The following GAGE13 variants were observed in gnomAD, a reference collection of about 807,000 sequenced individuals.
The protein encoded by GAGE13 is G antigen 13.
chrX:49,335,207 A>C (rs1446755247), intron 3 of GAGE13, among the ~76,000 whole-genome samples: 1 of 107,509 alleles, frequency 9.3e-6, no homozygotes, highest in Admixed American at 9.9e-5. Flanking sequence ...GTCTCGATAA[A>C]GTTTCAGGTA....
At chrX:49,335,265 C>G (rs1167886603) in intron 3 of GAGE13, among the ~76,000 whole-genome samples, 3 of 103,716 alleles carry the variant, frequency 2.9e-5, no homozygotes, top group Non-Finnish European at 6.1e-5. Flanking sequence ...ATCGTCAGAA[C>G]AAAGAGAAAG....
chrX:49,335,084 C>A (rs1362812960), intron 3 of GAGE13, among the ~76,000 whole-genome samples: 1 of 100,036 alleles, frequency 1.0e-5, no homozygotes, highest in South Asian at 4.9e-4. Flanking sequence ...ATAGCTTTCG[C>A]TTCATCAGTT....
intron 2 of GAGE13, among the ~76,000 whole-genome samples, 183 bp from the exon 3 acceptor site, chrX:49,333,104 A>T: frequency 1.1e-5 from 1 of 94,336 alleles, no homozygotes; most frequent in Non-Finnish European, 2.4e-5. Context: ...CTCGTGCGTC[A>T]CTTTTCTCAC....
intron 1 of GAGE13, 96 bp downstream of exon 1, chrX:49,331,785 GC>G (rs2066464114): frequency 1.2e-5 from 1 of 80,168 alleles, no homozygotes; most frequent in East Asian, 3.7e-4. Context: ...CTGGTCTGTG[GC>G]CTCCGAGGGA....
chrX:49,335,110 C>G (rs1190993116), intron 3 of GAGE13, among the ~76,000 whole-genome samples: 3 of 73,883 alleles, frequency 4.1e-5, no homozygotes, highest in African/African-American at 1.3e-4. Context: ...TCTCTTCCCT[C>G]CGTCTCTTAC....
chrX:49,335,088 A>G (rs1292986301), intron 3 of GAGE13, among the ~76,000 whole-genome samples: 3 of 100,836 alleles, frequency 3.0e-5, no homozygotes, highest in South Asian at 4.9e-4. Flanking sequence ...CTTTCGCTTC[A>G]TCAGTTTCAC....
At chrX:49,331,974 C>A (rs1202962900) in intron 1 of GAGE13, among the ~76,000 whole-genome samples, 1 of 80,541 alleles carries the variant, frequency 1.2e-5, no homozygotes, top group Non-Finnish European at 3.2e-5. Context: ...GTGCCGGGAA[C>A]CCCCGACGAC....
chrX:49,332,113 T>C (rs1396301899), intron 1 of GAGE13, among the ~76,000 whole-genome samples: 1 of 80,959 alleles, frequency 1.2e-5, no homozygotes, highest in Non-Finnish European at 3.1e-5. Flanking sequence ...AGCGCCCGAG[T>C]GAGAAGCACT....
intron 3 of GAGE13, among the ~76,000 whole-genome samples, chrX:49,335,506 C>T (rs1286209120): frequency 9.5e-6 from 1 of 104,842 alleles, no homozygotes; most frequent in Non-Finnish European, 2.0e-5. Context: ...TCTAGGGATT[C>T]TCATGCCTCA....
chrX:49,335,111 C>T lies in GAGE13; in HGVS notation c.206-1136C>T, dbSNP rs1262291639. Among the ~76,000 whole-genome samples, 32 of 73,784 alleles carry T rather than the reference C, an allele frequency of 4.3e-4. 2 individuals carry two copies. Among genetic ancestry groups the T allele is most frequent in the Non-Finnish European group, 7.6e-4 (27 of 35,647 alleles). 64.1% of individuals were successfully genotyped at this position (73,784 alleles called of 115,157 possible). On this transcript the variant is annotated intron_variant, in intron 3 of 4. Transcript: ENST00000612958. ...TCATCAGTTTCACATCTCTTCCCTCCGTCTCTTACCGTGCTGCCCACACAC... is the reference window on the plus strand; with the variant it reads ...TCATCAGTTTCACATCTCTTCCCTCTGTCTCTTACCGTGCTGCCCACACAC...
intron 3 of GAGE13, among the ~76,000 whole-genome samples, chrX:49,335,179 T>G (rs1281549759): frequency 4.6e-5 from 5 of 107,799 alleles, no homozygotes; most frequent in Non-Finnish European, 7.7e-5. Flanking sequence ...ATATGTTTAC[T>G]GTTATTAATG....
chrX:49,333,801 AG>A (rs2066476469), intron 3 of GAGE13, among the ~76,000 whole-genome samples: 1 of 18,686 alleles, frequency 5.4e-5, no homozygotes. Context: ...AAAACTCAAA[AG>A]GCTTTACTGT....
intron 1 of GAGE13, among the ~76,000 whole-genome samples, 166 bp downstream of exon 1, chrX:49,331,855 G>A (rs1321415486): frequency 2.5e-4 from 18 of 72,609 alleles, no homozygotes; most frequent in Admixed American, 9.6e-4. Context: ...CAGCGGCTTC[G>A]TGGTTGTGAA....
intron 3 of GAGE13, among the ~76,000 whole-genome samples, chrX:49,334,950 T>G (rs1179123730): frequency 1.2e-5 from 1 of 81,075 alleles, no homozygotes; most frequent in Non-Finnish European, 2.9e-5. Flanking sequence ...TAAAGTTCAG[T>G]GCAGTTATCA....
chrX:49,337,757 G>C (rs1557127617), intron 4 of GAGE13, among the ~76,000 whole-genome samples: 1 of 58,261 alleles, frequency 1.7e-5, no homozygotes, highest in African/African-American at 5.7e-5. Context: ...GTGCCATGCT[G>C]GTGCGCTGCA....
chrX:49,335,516 A>C (rs1453958994), intron 3 of GAGE13, among the ~76,000 whole-genome samples: 1 of 103,378 alleles, frequency 9.7e-6, no homozygotes, highest in African/African-American at 3.3e-5. Flanking sequence ...CTCATGCCTC[A>C]GCCTCCCGTG....
At chrX:49,335,451 T>G (rs1280532442) in intron 3 of GAGE13, among the ~76,000 whole-genome samples, 44 of 108,181 alleles carry the variant, frequency 4.1e-4, no homozygotes, top group Non-Finnish European at 4.4e-4. Flanking sequence ...CAGGTTGGAG[T>G]GCAGTAGTGC....
intron 3 of GAGE13, among the ~76,000 whole-genome samples, chrX:49,335,199 C>G (rs1382139143): frequency 8.6e-5 from 9 of 105,120 alleles, no homozygotes; most frequent in Non-Finnish European, 1.6e-4. Context: ...GCTGAATTGT[C>G]TCGATAAAGT....
chrX:49,337,407 C>G (rs367544918), intron 4 of GAGE13, among the ~76,000 whole-genome samples: 1 of 9,266 alleles, frequency 1.1e-4, no homozygotes, highest in African/African-American at 2.2e-4. Context: ...TGTTTGTTTG[C>G]GACAGAGTCT....
Sources: allele counts gnomAD v4.1 joint callset (sites outside exome capture counted in the v4.1 genomes callset), GRCh38; gene constraint gnomAD v4.1.1; transcripts MANE v1.5; gene names NCBI Gene and HGNC (gene_info 2026-07-23, HGNC 2026-07-21).